Variants in ITGA8 observed in about 807,000 individuals in gnomAD.
ITGA8 encodes integrin subunit alpha 8.
In ITGA8, 91 loss-of-function variants were observed where a neutral mutation model predicts 142.3. That is an observed-to-expected ratio of 0.64 (90% CI 0.54 to 0.76). The LOEUF (loss-of-function observed/expected upper bound fraction) is 0.76. Among genes scored for constraint, ITGA8 ranks in the 30% least tolerant of loss-of-function variants. The probability of loss-of-function intolerance (pLI) is 0.00; values close to 1 mark genes in which losing one functional copy is unlikely to be tolerated. For synonymous variants in ITGA8, 505 were observed against 485.2 expected (o/e 1.04, Z -0.54); for missense variants, 1,406 against 1,327.7 (o/e 1.06, Z -0.92).
intron 2 of ITGA8, among the ~76,000 whole-genome samples, chr10:15,692,179 C>T (rs1834947945): frequency 6.6e-6 from 1 of 152,006 alleles, no homozygotes; most frequent in Non-Finnish European, 1.5e-5. Context: ...GCGATCTTCC[C>T]ACCTTGGCCT....
chr10:15,586,524 G>A (rs1832835764), intron 23 of ITGA8, 60 bp downstream of exon 23: 2 of 956,498 alleles, frequency 2.1e-6, no homozygotes, highest in Middle Eastern at 2.1e-4. Context: ...ATTTTCACTA[G>A]TATTTTATCT....
chr10:15,709,446 C>G (rs968247265), intron 2 of ITGA8, among the ~76,000 whole-genome samples: 1 of 152,158 alleles, frequency 6.6e-6, no homozygotes, highest in Non-Finnish European at 1.5e-5. Context: ...TATAACTCAT[C>G]ATATATAATG....
intron 21 of ITGA8, among the ~76,000 whole-genome samples, chr10:15,593,495 G>C (rs367802420): frequency 1.3e-5 from 2 of 152,154 alleles, no homozygotes; most frequent in African/African-American, 4.8e-5. Context: ...ATAAATCACA[G>C]AGCTAGAATT....
rs564379972 is a variant in ITGA8, at chr10:15,555,850, C to T, written c.2766+2224G>A. Among the ~76,000 whole-genome samples the T allele has an allele frequency of 2.3e-3, 352 of 151,894 alleles. 1 individual carries two copies. In the Middle Eastern group the frequency reaches 0.031, roughly 13 times the overall value. Reference sequence around the variant, plus strand: ...AGCTGGGACTACAGGCACCCACCACCACGCCCGGATAATTTTTTTTGTATT... The same window carrying T: ...AGCTGGGACTACAGGCACCCACCACTACGCCCGGATAATTTTTTTTGTATT... On this transcript the variant is annotated intron_variant, in intron 26 of 29. Transcript: ENST00000378076.
At chr10:15,704,830 C>T (rs1045586787) in intron 2 of ITGA8, among the ~76,000 whole-genome samples, 5 of 152,126 alleles carry the variant, frequency 3.3e-5, no homozygotes, top group Admixed American at 3.3e-4. Context: ...TTGGGTTTCA[C>T]GATGAAGGCT....
At chr10:15,698,164 G>T (rs1265593093) in intron 2 of ITGA8, among the ~76,000 whole-genome samples, 2 of 152,096 alleles carry the variant, frequency 1.3e-5, no homozygotes, top group African/African-American at 4.8e-5. Context: ...ACAATGTTTG[G>T]TTTTCCATTT....
At position 15,671,958 on chromosome 10, in the gene ITGA8, A is replaced by T. The variant is rs1417663; in HGVS notation, c.803-311T>A. On this transcript the variant is annotated intron_variant, in intron 7 of 29. Transcript: ENST00000378076. ...TGGATACTTCATAATCCACCTTGAG[A>T]GTAAATGGTGGCTGTTGCATTTTAA... Among the ~76,000 whole-genome samples the T allele has an allele frequency of 0.93, 140,312 of 151,052 alleles. 65,725 individuals carry two copies. Among genetic ancestry groups the T allele is most frequent in the Non-Finnish European group, 0.99 (67,192 of 67,950 alleles).
intron 12 of ITGA8, among the ~76,000 whole-genome samples, chr10:15,644,633 A>G (rs1387849949): frequency 6.7e-6 from 1 of 150,040 alleles, no homozygotes; most frequent in African/African-American, 2.4e-5. Context: ...TTGGCCATAG[A>G]GACGTTTCTT....
At chr10:15,577,617 G>T (rs984668703) in intron 23 of ITGA8, among the ~76,000 whole-genome samples, 8 of 151,846 alleles carry the variant, frequency 5.3e-5, no homozygotes, top group African/African-American at 1.9e-4. Flanking sequence ...TTTACCCACC[G>T]AAGACTACTT....
chr10:15,685,692 G>T (rs903901560), intron 3 of ITGA8, among the ~76,000 whole-genome samples: 11 of 152,096 alleles, frequency 7.2e-5, no homozygotes, highest in East Asian at 5.8e-4. Flanking sequence ...TTATGTCATT[G>T]CCTATGACCC....
intron 25 of ITGA8, among the ~76,000 whole-genome samples, chr10:15,567,939 A>C (rs533147304): frequency 2.2e-4 from 34 of 152,230 alleles, no homozygotes; most frequent in Middle Eastern, 6.8e-3. Flanking sequence ...TAGAGGCAGG[A>C]TGTCATGCTG....
At chr10:15,526,158 C>T (rs560520572) in intron 28 of ITGA8, among the ~76,000 whole-genome samples, 89 of 151,946 alleles carry the variant, frequency 5.9e-4, no homozygotes, top group Non-Finnish European at 9.4e-4. Flanking sequence ...GCCTGAATTA[C>T]CCAAATCTTT....
intron 28 of ITGA8, 41 bp from the exon 29 acceptor site, chr10:15,519,453 C>T (rs1485053728): frequency 2.1e-5 from 33 of 1,607,994 alleles, no homozygotes; most frequent in Non-Finnish European, 2.6e-5. Context: ...AATGCGAAAA[C>T]TATTTGGTGA....
chr10:15,580,185 T>C (rs915043475), intron 23 of ITGA8, among the ~76,000 whole-genome samples: 3 of 140,260 alleles, frequency 2.1e-5, no homozygotes, highest in Admixed American at 2.1e-4. Context: ...ATATCAAGAA[T>C]GATGGAGAAG....
At chr10:15,572,188 C>A (rs747415675) in intron 25 of ITGA8, 23 bp downstream of exon 25, 1 of 1,539,796 alleles carries the variant, frequency 6.5e-7, no homozygotes, top group Non-Finnish European at 8.8e-7. Context: ...TCAACAAAGC[C>A]ACTGATTAGA....
In ITGA8 at chr10:15,644,433, AATATATATATATATAT is replaced by A. The variant is rs57868499; in HGVS notation, c.1208-228_1208-213del. Among the ~76,000 whole-genome samples the A allele has an allele frequency of 6.1e-3, 258 of 42,434 alleles. 11 individuals are homozygous for A. The highest frequency in any genetic ancestry group is 0.019 in the African/African-American group (184 of 9,808). The allele number at this position is 42,434 out of a possible 152,430, so 27.8% of individuals were successfully genotyped here. On this transcript the variant is annotated intron_variant, in intron 12 of 29. Coordinates refer to ENST00000378076, the MANE Select transcript of ITGA8 (RefSeq NM_003638.3). ...CAGGTGCATACCACCATGTCAGGCTAATATATATATATATATATATATATATATATATATATATATA... is the reference window on the plus strand; with the variant it reads ...CAGGTGCATACCACCATGTCAGGCTAATATATATATATATATATATATATA...
At chr10:15,709,277 C>T (rs1835319724) in intron 2 of ITGA8, among the ~76,000 whole-genome samples, 1 of 152,182 alleles carries the variant, frequency 6.6e-6, no homozygotes, top group South Asian at 2.1e-4. Context: ...GTTCTCCTCC[C>T]CGAAACTTCT....
intron 19 of ITGA8, 120 bp from the exon 20 acceptor site, chr10:15,604,475 C>A: frequency 1.4e-6 from 1 of 721,324 alleles, no homozygotes; most frequent in Admixed American, 3.3e-5. Context: ...AGAAGATGGA[C>A]CATCATGAAG....
At chr10:15,582,370 T>G (rs567119737) in intron 23 of ITGA8, among the ~76,000 whole-genome samples, 1 of 152,310 alleles carries the variant, frequency 6.6e-6, no homozygotes, top group African/African-American at 2.4e-5. Context: ...GGTGAAAATC[T>G]TTGTGACTTT....
Sources: allele counts gnomAD v4.1 joint callset (sites outside exome capture counted in the v4.1 genomes callset), GRCh38; gene constraint gnomAD v4.1.1; transcripts MANE v1.5; gene names NCBI Gene and HGNC (gene_info 2026-07-23, HGNC 2026-07-21).